KIF3B: variants seen among roughly 807,000 people sequenced by gnomAD.
The protein encoded by KIF3B is kinesin family member 3B.
A neutral mutation model predicts 74.3 loss-of-function variants in KIF3B; 38 were observed. The observed-to-expected ratio is 0.51, with a 90% confidence interval of 0.39 to 0.67. The LOEUF (loss-of-function observed/expected upper bound fraction) is 0.67. Among genes scored for constraint, KIF3B ranks in the 30% least tolerant of loss-of-function variants. The probability of loss-of-function intolerance (pLI) is 0.00; values close to 1 mark genes in which losing one functional copy is unlikely to be tolerated. For missense variants in KIF3B, 649 were observed against 932.0 expected, an observed-to-expected ratio of 0.70 and a Z score of 3.95; for synonymous variants, 326 against 342.5, an observed-to-expected ratio of 0.95 and a Z score of 0.53.
intron 1 of KIF3B, among the ~76,000 whole-genome samples, chr20:32,308,160 C>T (rs1197024356): frequency 2.0e-5 from 3 of 151,962 alleles, no homozygotes; most frequent in Non-Finnish European, 2.9e-5. Context: ...GGCATGAATT[C>T]GGGAGGCAGA....
intron 1 of KIF3B, among the ~76,000 whole-genome samples, chr20:32,304,040 T>C (rs2047757246): frequency 6.6e-6 from 1 of 152,178 alleles, no homozygotes; most frequent in African/African-American, 2.4e-5. Flanking sequence ...TAAGCACCTC[T>C]TAGTCTCATA....
intron 1 of KIF3B, among the ~76,000 whole-genome samples, chr20:32,279,211 C>G (rs1010526104): frequency 2.6e-5 from 4 of 152,072 alleles, no homozygotes; most frequent in African/African-American, 9.7e-5. Context: ...GCGTGAGCCA[C>G]CACACCCAGT....
chr20:32,318,611 G>A (rs6087872), intron 5 of KIF3B, among the ~76,000 whole-genome samples: 12,695 of 152,106 alleles, frequency 0.083, 938 homozygotes, highest in African/African-American at 0.2. Flanking sequence ...TTCAAGGATC[G>A]TCCATGCCGT....
intron 1 of KIF3B, among the ~76,000 whole-genome samples, chr20:32,306,873 G>T (rs1278899632): frequency 6.6e-6 from 1 of 151,938 alleles, no homozygotes; most frequent in Non-Finnish European, 1.5e-5. Context: ...GATTACAGGC[G>T]TGAGCCACCA....
chr20:32,308,217 CAG>C (rs1386791772), intron 1 of KIF3B, among the ~76,000 whole-genome samples: 2 of 152,154 alleles, frequency 1.3e-5, no homozygotes, highest in African/African-American at 4.8e-5. Context: ...GCCTGGGTGA[CAG>C]AGCGAGACTC....
intron 5 of KIF3B, among the ~76,000 whole-genome samples, chr20:32,323,570 T>A (rs1400048950): frequency 6.6e-6 from 1 of 151,778 alleles, no homozygotes; most frequent in African/African-American, 2.4e-5. Flanking sequence ...GCCCAGCCAA[T>A]TCTTTTTATT....
intron 1 of KIF3B, among the ~76,000 whole-genome samples, chr20:32,301,055 G>C (rs2047741380): frequency 1.3e-5 from 2 of 150,214 alleles, no homozygotes; most frequent in South Asian, 4.2e-4. Context: ...TGGAGATGGA[G>C]GTCTTCCTAT....
rs201372873 is a variant in KIF3B at position 32,319,545 on chromosome 20, T to C, written c.1748+2671T>C. 2.2e-3 allele frequency among the ~76,000 whole-genome samples: 256 copies of C among 114,070 alleles called. 1 individual carries two copies. Among genetic ancestry groups the C allele is most frequent in the African/African-American group, 7.9e-3 (241 of 30,424 alleles). 74.8% of individuals were successfully genotyped at this position (114,070 alleles called of 152,430 possible). A position where few individuals can be genotyped will look rare whatever the true frequency, so the allele number is the denominator to read the frequency against. The stretch of plus-strand genomic sequence containing the variant: ...TATTTCATACACACACACACACACA[T>C]ATGTGTATATATATAGTTTTTTTTT... On this transcript the variant is annotated intron_variant, in intron 5 of 8. Transcript: ENST00000375712.
chr20:32,311,808 T>C (rs932258268), intron 2 of KIF3B, among the ~76,000 whole-genome samples: 5 of 149,796 alleles, frequency 3.3e-5, no homozygotes, highest in African/African-American at 9.8e-5. Context: ...TTTTCTTTTT[T>C]TTTTTTTTTT....
Position 32,316,216 on chromosome 20 carries a change from A to C in KIF3B, c.1405-2A>C. The stretch of plus-strand genomic sequence containing the variant: ...ATGGATTCTACTTTGTTTCTCACTC[A>C]GGCCATGGAGAGTAAGTTGCTTGTT... On this transcript the variant is annotated splice_acceptor_variant, in intron 2 of 8. Transcript: ENST00000375712. LOFTEE classifies it high-confidence loss of function. 2 of 1,521,840 alleles carry C rather than the reference A, an allele frequency of 1.3e-6. No individual in the cohort carries two copies. Among genetic ancestry groups the C allele is most frequent in the Non-Finnish European group, 9.1e-7 (1 of 1,096,458 alleles). The allele number at this position is 1,521,840 out of a possible 1,614,324, so 94.3% of individuals were successfully genotyped here. A position where few individuals can be genotyped will look rare whatever the true frequency, so the allele number is the denominator to read the frequency against.
chr20:32,322,680 T>TTTTATATATTTA (rs2047868770), intron 5 of KIF3B, among the ~76,000 whole-genome samples: 1 of 30,636 alleles, frequency 3.3e-5, no homozygotes, highest in African/African-American at 3.2e-4. Flanking sequence ...ATTTATATAT[T>TTTTATATATTTA]TATATATATT....
intron 5 of KIF3B, among the ~76,000 whole-genome samples, chr20:32,319,937 C>T (rs999044159): frequency 2.6e-5 from 4 of 151,630 alleles, no homozygotes; most frequent in Non-Finnish European, 5.9e-5. Flanking sequence ...GTCTGTCACC[C>T]AGGCTGGAGT....
intron 7 of KIF3B, among the ~76,000 whole-genome samples, chr20:32,328,985 G>T (rs2047917321): frequency 6.6e-6 from 1 of 152,162 alleles, no homozygotes; most frequent in Admixed American, 6.5e-5. Flanking sequence ...TCTGCTTACT[G>T]CAACCCCTGT....
intron 8 of KIF3B, 36 bp from the exon 9 acceptor site, chr20:32,331,187 G>T: frequency 7.0e-7 from 1 of 1,423,188 alleles, no homozygotes. Context: ...ACAGAGATGG[G>T]GACATGTAAT....
intron 2 of KIF3B, among the ~76,000 whole-genome samples, chr20:32,314,266 G>A (rs374309764): frequency 6.6e-6 from 1 of 152,288 alleles, no homozygotes; most frequent in East Asian, 1.9e-4. Context: ...GAGGCTGGGC[G>A]CGGTGGCTCA....
chr20:32,278,482 TC>T (rs1415323519), intron 1 of KIF3B, among the ~76,000 whole-genome samples: 1 of 152,120 alleles, frequency 6.6e-6, no homozygotes, highest in Non-Finnish European at 1.5e-5. Context: ...GGGCAAGACT[TC>T]CAGGAGGAGA....
intron 1 of KIF3B, among the ~76,000 whole-genome samples, chr20:32,306,033 C>G (rs1167810360): frequency 6.7e-6 from 1 of 150,140 alleles, no homozygotes; most frequent in East Asian, 2.0e-4. Context: ...TTGCAGTGAG[C>G]CGAGATCACG....
At chr20:32,290,492 T>C (rs2047686141) in intron 1 of KIF3B, among the ~76,000 whole-genome samples, 1 of 152,178 alleles carries the variant, frequency 6.6e-6, no homozygotes. Flanking sequence ...CAGGTTTTGC[T>C]ATGGCCCTCT....
rs555600172 is a variant in KIF3B, at chr20:32,311,192, C to T, written c.1404+11C>T. 8.6e-5 allele frequency: 137 copies of T among 1,588,642 alleles called. No homozygotes were observed. In the African/African-American group the frequency reaches 1.3e-3, roughly 15 times the overall value. On this transcript the variant is annotated intron_variant, in intron 2 of 8. Coordinates refer to ENST00000375712, the MANE Select transcript of KIF3B (RefSeq NM_004798.4). ...GGCGCCAAGATCAAGGTACCATACC[C>T]GTACCCTTCCTTAGGCCCTTGCCCT...
Sources: allele counts gnomAD v4.1 joint callset (sites outside exome capture counted in the v4.1 genomes callset), GRCh38; gene constraint gnomAD v4.1.1; transcripts MANE v1.5; gene names NCBI Gene and HGNC (gene_info 2026-07-23, HGNC 2026-07-21).